The following SYCP2 variants were observed in gnomAD, a reference collection of about 807,000 sequenced individuals.
SYCP2 encodes synaptonemal complex protein 2, also known as synaptonemal complex lateral element protein.
In SYCP2, 55 loss-of-function variants were observed where a neutral mutation model predicts 211.3. That is an observed-to-expected ratio of 0.26 (90% CI 0.21 to 0.33). The LOEUF (loss-of-function observed/expected upper bound fraction) is 0.33, where lower values mean the gene tolerates loss of function less well. Ranked by LOEUF, SYCP2 falls within the 10% of genes least tolerant of loss-of-function variation. SYCP2 has a pLI of 1.00. For missense variants in SYCP2, 1,731 were observed against 1,752.0 expected (o/e 0.99, Z 0.21); for synonymous variants, 570 against 555.2 (o/e 1.03, Z -0.37).
At chr20:59,875,101 C>T (rs1296331747) in intron 34 of SYCP2, among the ~76,000 whole-genome samples, 170 bp downstream of exon 34, 1 of 151,904 alleles carries the variant, frequency 6.6e-6, no homozygotes, top group Non-Finnish European at 1.5e-5. Context: ...AGCATTGTTC[C>T]CATGTTATCA....
chr20:59,908,029 G>A (rs1014313991), intron 14 of SYCP2, among the ~76,000 whole-genome samples: 1 of 152,094 alleles, frequency 6.6e-6, no homozygotes, highest in Non-Finnish European at 1.5e-5. Flanking sequence ...GGCGGATCAC[G>A]AGGTCAGGAG....
chr20:59,913,905 C>A lies in SYCP2; in HGVS notation c.830+70G>T, dbSNP rs1032285276. The stretch of plus-strand genomic sequence containing the variant: ...GAATAAAGTTAAATGTATAAAGATG[C>A]AACACTGGGTGCTCACTCTTGAGCT... On this transcript the variant is annotated intron_variant, in intron 12 of 44. Transcript: ENST00000357552. 71 of 1,132,750 alleles carry A rather than the reference C, an allele frequency of 6.3e-5. No individual in the cohort carries two copies. The Middle Eastern group carries it at 8.0e-4, about 13-fold the overall frequency. 70.2% of individuals were successfully genotyped at this position (1,132,750 alleles called of 1,614,324 possible).
intron 26 of SYCP2, among the ~76,000 whole-genome samples, chr20:59,883,457 T>C (rs1272310670): frequency 1.3e-5 from 2 of 152,106 alleles, no homozygotes; most frequent in Admixed American, 1.3e-4. Flanking sequence ...CACTGACATA[T>C]GAATGGATAA....
At position 59,865,818 on chromosome 20, in the gene SYCP2, GCTT is replaced by G. The variant is rs2059321113; in HGVS notation, c.4365_4367del (p.Lys1455_Ser1456delinsAsn). ...AATGTCATACTAACCTCTGTTGTTC[GCTT>G]TTTTGATATGCACTGAACTTCTGAA... On this transcript the variant is annotated inframe_deletion, in exon 42 of 45. Coordinates refer to ENST00000357552, the MANE Select transcript of SYCP2 (RefSeq NM_014258.4). The G allele has an allele frequency of 7.0e-7, 1 of 1,431,286 alleles. No homozygotes were observed. The highest frequency in any genetic ancestry group is 2.1e-5 in the Admixed American group (1 of 47,832). The allele number at this position is 1,431,286 out of a possible 1,614,324, so 88.7% of individuals were successfully genotyped here.
intron 7 of SYCP2, among the ~76,000 whole-genome samples, chr20:59,918,597 T>C (rs1211393870): frequency 6.6e-6 from 1 of 152,180 alleles, no homozygotes; most frequent in Admixed American, 6.5e-5. Context: ...AATGCAAATG[T>C]TAAGAACCTA....
intron 26 of SYCP2, among the ~76,000 whole-genome samples, chr20:59,885,715 C>T (rs951277902): frequency 6.6e-6 from 1 of 152,062 alleles, no homozygotes; most frequent in Admixed American, 6.6e-5. Flanking sequence ...ATATTATGCT[C>T]ATATGTGTAA....
intron 12 of SYCP2, among the ~76,000 whole-genome samples, chr20:59,912,937 G>A (rs1475061910): frequency 6.6e-6 from 1 of 152,284 alleles, no homozygotes; most frequent in Middle Eastern, 3.4e-3. Flanking sequence ...CTTCTGCCAT[G>A]ATAGTGAGGC....
intron 26 of SYCP2, among the ~76,000 whole-genome samples, chr20:59,883,348 CCAAA>C (rs372545255): frequency 0.015 from 2,255 of 151,856 alleles, 47 homozygotes; most frequent in African/African-American, 0.045. Flanking sequence ...GACTCTGTCT[CCAAA>C]CAAACAAACA....
At position 59,864,341 on chromosome 20, in the gene SYCP2, G is replaced by T; in HGVS notation, c.4563C>A (p.Phe1521Leu). The T allele has an allele frequency of 6.2e-7, 1 of 1,605,420 alleles. No homozygotes were observed. Among genetic ancestry groups the T allele is most frequent in the South Asian group, 1.1e-5 (1 of 89,842 alleles). ...LNVRRELMSV[F>L]MSHERNANV ...CATTAGCATTTCTTTCATGAGACATGAATACTGACATCAGTTCTCTGCGTA... is the reference window on the plus strand; with the variant it reads ...CATTAGCATTTCTTTCATGAGACATTAATACTGACATCAGTTCTCTGCGTA... Residue 1521 changes from phenylalanine to leucine, a missense_variant, in exon 45 of 45, where the codon TTC becomes TTA. Coordinates refer to ENST00000357552, the MANE Select transcript of SYCP2 (RefSeq NM_014258.4).
chr20:59,881,690 G>A (rs2059685208), intron 28 of SYCP2, among the ~76,000 whole-genome samples, 198 bp from the exon 29 acceptor site: 1 of 147,616 alleles, frequency 6.8e-6, no homozygotes, highest in South Asian at 2.1e-4. Flanking sequence ...CAATAAGAAA[G>A]GTGATTTTCT....
chr20:59,920,434 TC>T lies in SYCP2; in HGVS notation c.221del (p.Gly74GlufsTer16). The T allele has an allele frequency of 6.2e-7, 1 of 1,609,874 alleles. No homozygotes were observed. Among genetic ancestry groups the T allele is most frequent in the Non-Finnish European group, 8.5e-7 (1 of 1,177,284 alleles). Reference protein sequence around the residue: ...HNVSAILVSVGRCGKNISVLG... With the variant: ...HNVSAILVSVXRCGKNISVLG... ...ATACACTGATATTTTTGCCACATCT[TC>T]CAACAGAAACCAAAATGGCTGAAAC... On this transcript the variant is annotated frameshift_variant, in exon 5 of 45. Transcript: ENST00000357552. LOFTEE classifies it high-confidence loss of function.
Position 59,891,991 on chromosome 20 carries a change from ATTTTTT to A in SYCP2, c.2357_2362del (p.Lys786_Lys787del). ...AATCAAAACACATTGAAAGCTCACC[ATTTTTT>A]TTTGTTTCGAATCCCAGGAATTAAG... On this transcript the variant is annotated inframe_deletion and splice_region_variant, in exon 24 of 45. Coordinates refer to ENST00000357552, the MANE Select transcript of SYCP2 (RefSeq NM_014258.4). The A allele has an allele frequency of 1.0e-5, 16 of 1,550,118 alleles. No individual in the cohort carries two copies. Among genetic ancestry groups the A allele is most frequent in the Non-Finnish European group, 1.4e-5 (16 of 1,146,546 alleles).
intron 26 of SYCP2, 135 bp from the exon 27 acceptor site, chr20:59,882,300 G>C (rs1391310361): frequency 4.3e-6 from 3 of 692,756 alleles, no homozygotes; most frequent in African/African-American, 3.6e-5. Context: ...GTACCAAAAA[G>C]ACAGGCAATA....
Position 59,883,262 on chromosome 20 carries a change from T to C in SYCP2, c.2530-1097A>G, listed in dbSNP as rs2059719241. On this transcript the variant is annotated intron_variant, in intron 26 of 44. Coordinates refer to ENST00000357552, the MANE Select transcript of SYCP2 (RefSeq NM_014258.4). ...TACTCAGGAGGCTGAGACAGGAGAA[T>C]TGCTTGAACCAGGGAGGCGGAGGTT... Among the ~76,000 whole-genome samples the C allele has an allele frequency of 2.0e-5, 3 of 152,022 alleles. No homozygotes were observed. In the South Asian group the frequency reaches 6.2e-4, roughly 32 times the overall value.
Position 59,911,820 on chromosome 20 carries a change from A to G in SYCP2, c.902T>C (p.Leu301Pro). 1 of 1,583,128 alleles carries G rather than the reference A, an allele frequency of 6.3e-7. No individual in the cohort carries two copies. The highest frequency in any genetic ancestry group is 1.7e-5 in the Admixed American group (1 of 58,034). Residue 301 changes from leucine (L) to proline (P), a missense_variant, in exon 14 of 45, where the codon CTT becomes CCT. Physicochemically the swap from Leu to Pro is moderately conservative, Grantham distance 98. Coordinates refer to ENST00000357552, the MANE Select transcript of SYCP2 (RefSeq NM_014258.4). ...YELQIPSDEK[L>P]EEFWIDFNLG... ...ATTAAAATCAATCCAAAATTCCTCAAGTTTTTCATCTGATGGTATTTGCAG... is the reference window on the plus strand; with the variant it reads ...ATTAAAATCAATCCAAAATTCCTCAGGTTTTTCATCTGATGGTATTTGCAG...
At chr20:59,911,299 G>GA (rs1480202856) in intron 14 of SYCP2, among the ~76,000 whole-genome samples, 1 of 152,022 alleles carries the variant, frequency 6.6e-6, no homozygotes, top group Admixed American at 6.6e-5. Context: ...AGCATAGGAA[G>GA]AAAAAAACTA....
chr20:59,875,200 T>C, intron 34 of SYCP2, 71 bp downstream of exon 34: 1 of 978,044 alleles, frequency 1.0e-6, no homozygotes, highest in Non-Finnish European at 1.5e-6. Flanking sequence ...CTTAAAATTG[T>C]ATTTTCCCAT....
Position 59,901,305 on chromosome 20 carries a change from T to C in SYCP2, c.1182+357A>G, listed in dbSNP as rs75429140. On this transcript the variant is annotated intron_variant, in intron 16 of 44. Coordinates refer to ENST00000357552, the MANE Select transcript of SYCP2 (RefSeq NM_014258.4). ...ATGAGCATTCTCTTTCTTCAATGTC[T>C]ACAACTCATGTTCCCTATGCCATTA... Among the ~76,000 whole-genome samples the C allele has an allele frequency of 2.4e-4, 36 of 152,242 alleles. No homozygotes were observed. The East Asian group carries it at 6.7e-3, about 29-fold the overall frequency.
chr20:59,932,682 A>C (rs1288006584), intron 1 of SYCP2, among the ~76,000 whole-genome samples: 1 of 152,068 alleles, frequency 6.6e-6, no homozygotes, highest in African/African-American at 2.4e-5. Context: ...TCGGGAAAAA[A>C]AACAACAAAA....
Sources: gnomAD v4.1 joint callset for allele counts (sites outside exome capture counted in the v4.1 genomes callset) on GRCh38, gnomAD v4.1.1 for gene constraint, MANE v1.5 for transcripts, NCBI Gene and HGNC (gene_info 2026-07-23, HGNC 2026-07-21) for gene names.